ROBO2: variants seen among roughly 807,000 people sequenced by gnomAD.
ROBO2 encodes roundabout homolog 2.
ROBO2 carries 53 observed loss-of-function variants against 160.8 expected under a neutral mutation model. The ratio of observed to expected loss-of-function variants is 0.33; its 90% CI spans 0.26 to 0.41. The LOEUF (loss-of-function observed/expected upper bound fraction) is 0.41. ROBO2 is among the 10% of genes least tolerant of loss of function. The probability of loss-of-function intolerance (pLI) is 1.00; values close to 1 mark genes in which losing one functional copy is unlikely to be tolerated. For synonymous variants in ROBO2, 664 were observed against 611.7 expected, an observed-to-expected ratio of 1.09 and a Z score of -1.26; for missense variants, 1,577 against 1,722.4, an observed-to-expected ratio of 0.92 and a Z score of 1.49.
intron 2 of ROBO2, among the ~76,000 whole-genome samples, chr3:76,764,650 C>A (rs926841993): frequency 5.9e-5 from 9 of 151,572 alleles, no homozygotes; most frequent in Non-Finnish European, 1.0e-4. Context: ...TGTTTCATGC[C>A]ATCTCAAATG....
intron 2 of ROBO2, among the ~76,000 whole-genome samples, chr3:76,604,911 T>C (rs1338233644): frequency 6.6e-6 from 1 of 152,156 alleles, no homozygotes; most frequent in Non-Finnish European, 1.5e-5. Context: ...AGATAGCTTT[T>C]ACATTTATAC....
At chr3:76,654,287 C>CA (rs1054261992) in intron 2 of ROBO2, among the ~76,000 whole-genome samples, 4 of 151,970 alleles carry the variant, frequency 2.6e-5, no homozygotes, top group East Asian at 1.9e-4. Context: ...CATTTTCCAG[C>CA]AAAAAAGTTA....
At chr3:77,326,953 C>T (rs6803437) in intron 2 of ROBO2, among the ~76,000 whole-genome samples, 2,121 of 152,256 alleles carry the variant, frequency 0.014, 23 homozygotes, top group Middle Eastern at 0.031. Flanking sequence ...TTTCCAAGAA[C>T]CAACATTTAA....
intron 2 of ROBO2, among the ~76,000 whole-genome samples, chr3:76,236,735 A>G (rs1704968711): frequency 6.6e-6 from 1 of 152,076 alleles, no homozygotes; most frequent in African/African-American, 2.4e-5. Flanking sequence ...TCCTTTAAAG[A>G]AAAAAATACA....
intron 2 of ROBO2, among the ~76,000 whole-genome samples, chr3:76,149,183 C>CT (rs1477415969): frequency 2.6e-5 from 4 of 152,060 alleles, no homozygotes; most frequent in Non-Finnish European, 5.9e-5. Flanking sequence ...AAAATACAAG[C>CT]TGGGTATGAC....
At chr3:76,437,713 T>TACTC (rs2076749348) in intron 2 of ROBO2, among the ~76,000 whole-genome samples, 1 of 152,148 alleles carries the variant, frequency 6.6e-6, no homozygotes, top group Non-Finnish European at 1.5e-5. Flanking sequence ...GTTTATGCTG[T>TACTC]GAGTCTTGTG....
rs2089536493 is a variant in ROBO2, at chr3:76,625,149, T to C, written c.110-472865T>C. Among the ~76,000 whole-genome samples the C allele has an allele frequency of 1.3e-5, 2 of 152,132 alleles. 1 individual carries two copies. Among genetic ancestry groups the C allele is most frequent in the African/African-American group, 4.8e-5 (2 of 41,430 alleles). On this transcript the variant is annotated intron_variant, in intron 2 of 26. Transcript: ENST00000487694. ...ATTTGTCCCCATGATGCCAAAAAGG[T>C]GGATGTAAAATACTAATTTAATAAA...
intron 2 of ROBO2, among the ~76,000 whole-genome samples, chr3:77,108,276 A>ATATATATATGTATACACATATGCATC (rs1491061836): frequency 1.7e-5 from 1 of 60,412 alleles, no homozygotes; most frequent in Non-Finnish European, 3.7e-5. Flanking sequence ...ACATATGCAT[A>ATATATATATGTATACACATATGCATC]TATATATATG....
At chr3:76,708,099 T>C (rs1297755301) in intron 2 of ROBO2, among the ~76,000 whole-genome samples, 1 of 152,150 alleles carries the variant, frequency 6.6e-6, no homozygotes, top group African/African-American at 2.4e-5. Flanking sequence ...TAGGGAGATA[T>C]ATCTTTATAT....
At chr3:76,184,571 AGATAGATAGATAGATAGATAGAT>A (rs1218670180) in intron 2 of ROBO2, among the ~76,000 whole-genome samples, 66 of 148,082 alleles carry the variant, frequency 4.5e-4, no homozygotes, top group African/African-American at 1.6e-3. Context: ...ATAGATAGAT[AGATAGATAGATAGATAGATAGAT>A]AAGAGGGGAT....
chr3:77,391,038 T>C (rs1313937629), intron 2 of ROBO2, among the ~76,000 whole-genome samples: 3 of 152,038 alleles, frequency 2.0e-5, no homozygotes, highest in Non-Finnish European at 4.4e-5. Flanking sequence ...CAGTTTGAAG[T>C]TCACTGCATC....
chr3:76,630,107 T>G (rs2109428157), intron 2 of ROBO2, among the ~76,000 whole-genome samples: 1 of 152,332 alleles, frequency 6.6e-6, no homozygotes, highest in South Asian at 2.1e-4. Flanking sequence ...GTCATTTTGT[T>G]ATAATGTTGA....
rs570075474 is a variant in ROBO2, at chr3:77,501,013, T to A, written c.806+7631T>A. On this transcript the variant is annotated intron_variant, in intron 5 of 25. Transcript: ENST00000461745. The stretch of plus-strand genomic sequence containing the variant: ...GGGCAGAGCCAAGACCAGGTGCCAG[T>A]ATGCAGAGCAAAAGGATCTGTCTGT... Among the ~76,000 whole-genome samples the A allele has an allele frequency of 1.2e-3, 178 of 152,330 alleles. 2 individuals carry two copies. Among genetic ancestry groups the A allele is most frequent in the Non-Finnish European group, 1.9e-3 (129 of 68,026 alleles).
At chr3:76,958,642 A>G (rs1356752428) in intron 2 of ROBO2, among the ~76,000 whole-genome samples, 3 of 152,054 alleles carry the variant, frequency 2.0e-5, no homozygotes, top group African/African-American at 7.2e-5. Flanking sequence ...GGCAATTGCC[A>G]CTCTCTGGCT....
intron 8 of ROBO2, among the ~76,000 whole-genome samples, chr3:77,553,005 C>T (rs942938221): frequency 1.3e-5 from 2 of 151,914 alleles, no homozygotes; most frequent in Admixed American, 6.6e-5. Flanking sequence ...GAAGTGATTA[C>T]AGGCATACCT....
chr3:77,164,662 G>A (rs1225947028), intron 2 of ROBO2, among the ~76,000 whole-genome samples: 2 of 113,128 alleles, frequency 1.8e-5, no homozygotes, highest in Admixed American at 1.7e-4. Context: ...GGAGGGAGGT[G>A]GGGGGGTCAG....
intron 2 of ROBO2, among the ~76,000 whole-genome samples, chr3:77,259,853 C>T (rs1045485875): frequency 6.6e-6 from 1 of 152,156 alleles, no homozygotes; most frequent in African/African-American, 2.4e-5. Context: ...ATATGGGCTG[C>T]GCATGGCAGC....
intron 2 of ROBO2, among the ~76,000 whole-genome samples, chr3:76,232,670 T>C (rs1262925924): frequency 6.6e-6 from 1 of 152,222 alleles, no homozygotes; most frequent in Admixed American, 6.5e-5. Context: ...TAACAGTTGA[T>C]GCTGTTAACT....
Position 76,437,279 on chromosome 3 carries a change from G to A in ROBO2, c.109+499677G>A, listed in dbSNP as rs181453032. Among the ~76,000 whole-genome samples, 93 of 152,178 alleles carry A rather than the reference G, an allele frequency of 6.1e-4. 3 individuals carry two copies. Among genetic ancestry groups the A allele is most frequent in the African/African-American group, 2.1e-3 (89 of 41,532 alleles). On this transcript the variant is annotated intron_variant, in intron 2 of 26. Coordinates refer to the ROBO2 transcript ENST00000487694. ...ATCACATATGAATAATGACAAGGGC[G>A]ATAAATGAAAAGATATTAGGCAGTA...
Sources: gnomAD v4.1 joint callset for allele counts (sites outside exome capture counted in the v4.1 genomes callset) on GRCh38, gnomAD v4.1.1 for gene constraint, MANE v1.5 for transcripts, NCBI Gene and HGNC (gene_info 2026-07-23, HGNC 2026-07-21) for gene names.